Variants in TNXB observed in about 807,000 individuals in gnomAD.
TNXB encodes the protein tenascin-X.
In TNXB, 183 loss-of-function variants were observed where a neutral mutation model predicts 340.5. The ratio of observed to expected loss-of-function variants is 0.54; its 90% CI spans 0.48 to 0.61. The LOEUF (loss-of-function observed/expected upper bound fraction) is 0.61. Among genes scored for constraint, TNXB ranks in the 20% least tolerant of loss-of-function variants. The pLI, the probability that TNXB is intolerant of heterozygous loss-of-function variation, is 0.00. For missense variants in TNXB, 4,613 were observed against 5,446.4 expected (o/e 0.85, Z 4.82); for synonymous variants, 2,121 against 2,314.5 (o/e 0.92, Z 2.40).
Position 32,049,560 on chromosome 6 carries a change from G to A in TNXB, c.9467C>T (p.Pro3156Leu), listed in dbSNP as rs200111122. The A allele has an allele frequency of 4.3e-5, 70 of 1,612,208 alleles. No individual in the cohort carries two copies. The highest frequency in any genetic ancestry group is 2.3e-4 in the African/African-American group (17 of 75,024). Residue 3156 changes from proline (P) to leucine (L), a missense_variant, in exon 28 of 44, where the codon CCC becomes CTC. Physicochemically the swap from Pro to Leu is moderately conservative, Grantham distance 98 (BLOSUM62 -3). Transcript: ENST00000644971. This position sits in a 1 kb window ranked among gnomAD's most constrained non-coding sequence, Gnocchi z 4.5. ...AGGGGCCTCCGGGGCCTCAGTGCTGGGTTCTGTGGGGCTGGGGGTCTCTTC... is the reference window on the plus strand; with the variant it reads ...AGGGGCCTCCGGGGCCTCAGTGCTGAGTTCTGTGGGGCTGGGGGTCTCTTC... ...TEEETPSPTE[P>L]STEAPEAPEE...
At position 32,062,537 on chromosome 6, in the gene TNXB, A is replaced by G; in HGVS notation, c.6842-54T>C. The G allele has an allele frequency of 6.7e-7, 1 of 1,495,630 alleles. No individual in the cohort carries two copies. Among genetic ancestry groups the G allele is most frequent in the Non-Finnish European group, 9.0e-7 (1 of 1,111,086 alleles). 92.6% of individuals were successfully genotyped at this position (1,495,630 alleles called of 1,614,324 possible). On this transcript the variant is annotated intron_variant, in intron 19 of 43. Coordinates refer to ENST00000644971, the MANE Select transcript of TNXB (RefSeq NM_001365276.2). This position sits in a 1 kb window ranked among gnomAD's most constrained non-coding sequence, Gnocchi z 4.3. Reference sequence around the variant, plus strand: ...TGCCTGGTGGGCCTCCTTTTAACCAAGGGACTCTGGGATTCTCTTAGACAC... The same window carrying G: ...TGCCTGGTGGGCCTCCTTTTAACCAGGGGACTCTGGGATTCTCTTAGACAC...
In TNXB at chr6:32,085,790, C is replaced by T. The variant is rs769745035; in HGVS notation, c.3108G>A (p.Gly1036=). 3 of 1,581,806 alleles carry T rather than the reference C, an allele frequency of 1.9e-6. No homozygotes were observed. Among genetic ancestry groups the T allele is most frequent in the Non-Finnish European group, 2.6e-6 (3 of 1,163,678 alleles). The change falls in exon 7 of 44, where the codon GGG becomes GGA. Residue 1036 remains glycine, a synonymous_variant. Transcript: ENST00000644971. This position sits in a 1 kb window ranked among gnomAD's most constrained non-coding sequence, Gnocchi z 6.4. The part of the protein sequence containing the change: ...YELSLHGVPP[G]GKPSDPIIYQ... ...AGATGATGGGGTCAGAGGGCTTGCC[C>T]CCAGGAGGGACCCCATGAAGTGACA...
chr6:32,073,355 G>A lies in TNXB; in HGVS notation c.4681+292C>T, dbSNP rs56106921. 2.0e-5 allele frequency among the ~76,000 whole-genome samples: 3 copies of A among 152,196 alleles called. No individual in the cohort carries two copies. Among genetic ancestry groups the A allele is most frequent in the Non-Finnish European group, 4.4e-5 (3 of 68,040 alleles). ...GGAAACAGCTGTGGGCAGTCGGAGA[G>A]GGGGAGAGAAAGTCTGTGGCTGGAT... On this transcript the variant is annotated intron_variant, in intron 12 of 43. Transcript: ENST00000644971. This position sits in a 1 kb window ranked among gnomAD's most constrained non-coding sequence, Gnocchi z 4.6.
At position 32,087,673 on chromosome 6, in the gene TNXB, C is replaced by A. The variant is rs1431477437; in HGVS notation, c.2779+1112G>T. On this transcript the variant is annotated intron_variant, in intron 6 of 43. Transcript: ENST00000644971. The surrounding 1 kb of genome is among the most constrained non-coding windows in gnomAD (Gnocchi z 9.0). ...GGCTGGGGCGGCGGCCAACAGACGC[C>A]GCTGCAAGTATTCATGGATGTGGCG... 1 of 445,894 alleles carries A rather than the reference C, an allele frequency of 2.2e-6. No homozygotes were observed. Among genetic ancestry groups the A allele is most frequent in the Admixed American group, 2.4e-5 (1 of 41,568 alleles). The allele number at this position is 445,894 out of a possible 1,614,324, so 27.6% of individuals were successfully genotyped here.
At position 32,051,401 on chromosome 6, in the gene TNXB, C is replaced by T. The variant is rs1004783280; in HGVS notation, c.9116-1080G>A. ...AGGATTCATGAATGCAAGAAAAATT[C>T]GCTTCAACAAATTCTAAGAGAGTTT... is the stretch of plus-strand genomic sequence containing the variant. On this transcript the variant is annotated intron_variant, in intron 26 of 43. Coordinates refer to ENST00000644971, the MANE Select transcript of TNXB (RefSeq NM_001365276.2). This position sits in a 1 kb window ranked among gnomAD's most constrained non-coding sequence, Gnocchi z 4.7. 3.3e-5 allele frequency among the ~76,000 whole-genome samples: 5 copies of T among 152,208 alleles called. No individual in the cohort carries two copies. The highest frequency in any genetic ancestry group is 1.9e-4 in the East Asian group (1 of 5,198).
Position 32,070,284 on chromosome 6 carries a change from C to A in TNXB, c.5121G>T (p.Gln1707His), listed in dbSNP as rs1338190417. 4.3e-6 allele frequency: 7 copies of A among 1,613,040 alleles called. No homozygotes were observed. Among genetic ancestry groups the A allele is most frequent in the Non-Finnish European group, 5.9e-6 (7 of 1,179,632 alleles). The change falls in exon 14 of 44, where the codon CAG becomes CAT. Residue 1707 changes from glutamine (Q) to histidine (H), a missense_variant. By Grantham distance (24) the Gln-to-His change is conservative. Around this residue, in one of 7 missense-constraint regions of TNXB, gnomAD observed 4,327 missense variants for 4,859.4 expected, o/e 0.89. Transcript: ENST00000644971. This position sits in a 1 kb window ranked among gnomAD's most constrained non-coding sequence, Gnocchi z 6.0. ...CCTGGGGCCCGTCTTTGTCCTTGAA[C>A]TGGACCACAAAAGAGTCGAACTGGC... ...PEGQFDSFVV[Q>H]FKDKDGPQVV...
At chr6:32,054,743 G>C (rs149764450) in intron 24 of TNXB, among the ~76,000 whole-genome samples, 107 of 152,274 alleles carry the variant, frequency 7.0e-4, no homozygotes, top group African/African-American at 2.4e-3. Context: ...ACATGAACTT[G>C]TGTGTGTCAC....
chr6:32,072,167 C>T lies in TNXB; in HGVS notation c.4813G>A (p.Asp1605Asn), dbSNP rs565606966. 64 of 1,613,460 alleles carry T rather than the reference C, an allele frequency of 4.0e-5. No homozygotes were observed. In the East Asian group the frequency reaches 1.3e-3, roughly 34 times the overall value. Residue 1605 changes from aspartate to asparagine, a missense_variant, in exon 13 of 44, where the codon GAC becomes AAC. Physicochemically the swap from Asp to Asn is conservative, Grantham distance 23 (BLOSUM62 1). This residue lies in a region of TNXB where 4,327 missense variants were observed against 4,859.4 expected (regional missense o/e 0.89). Coordinates refer to ENST00000644971, the MANE Select transcript of TNXB (RefSeq NM_001365276.2). The surrounding 1 kb of genome is among the most constrained non-coding windows in gnomAD (Gnocchi z 4.4). ...TCCTTGTACTGAACCACAAAGGAGTCGAATTCACCCTCAGGGACTGTCCAT... is the reference window on the plus strand; with the variant it reads ...TCCTTGTACTGAACCACAAAGGAGTTGAATTCACCCTCAGGGACTGTCCAT... ...LSWTVPEGEF[D>N]SFVVQYKDRD...
chr6:32,086,122 G>C lies in TNXB; in HGVS notation c.2780-4C>G. The C allele has an allele frequency of 6.7e-7, 1 of 1,501,296 alleles. No homozygotes were observed. Among genetic ancestry groups the C allele is most frequent in the Non-Finnish European group, 8.9e-7 (1 of 1,121,678 alleles). The allele number at this position is 1,501,296 out of a possible 1,614,324, so 93.0% of individuals were successfully genotyped here. On this transcript the variant is annotated splice_region_variant and splice_polypyrimidine_tract_variant and intron_variant, in intron 6 of 43. Coordinates refer to ENST00000644971, the MANE Select transcript of TNXB (RefSeq NM_001365276.2). ...AAGAGGCCCAAGGGTGAGGACCCTG[G>C]GAAGGGGCAGGGTGAGAAAAAGAGG...
rs1402597093 is a variant in TNXB at position 32,080,892 on chromosome 6, G to A, written c.4042+476C>T. ...GGAGTCCTCTTCATGCTGCAAAAAG[G>A]CTAGAGAAACGTGGTGCTCTTGTCA... On this transcript the variant is annotated intron_variant, in intron 10 of 43. Coordinates refer to ENST00000644971, the MANE Select transcript of TNXB (RefSeq NM_001365276.2). This position sits in a 1 kb window ranked among gnomAD's most constrained non-coding sequence, Gnocchi z 4.3. Among the ~76,000 whole-genome samples the A allele has an allele frequency of 1.3e-5, 2 of 152,178 alleles. No homozygotes were observed. The highest frequency in any genetic ancestry group is 4.8e-5 in the African/African-American group (2 of 41,432).
At position 32,087,148 on chromosome 6, in the gene TNXB, G is replaced by C; in HGVS notation, c.2780-1030C>G. On this transcript the variant is annotated intron_variant, in intron 6 of 43. Coordinates refer to ENST00000644971, the MANE Select transcript of TNXB (RefSeq NM_001365276.2). The surrounding 1 kb of genome is among the most constrained non-coding windows in gnomAD (Gnocchi z 9.0). Reference sequence around the variant, plus strand: ...GCCAGGTAGGGCCTGAAGGTAGAAGGGGGCAGTGGGGGGTGGCAGTGGGAG... The same window carrying C: ...GCCAGGTAGGGCCTGAAGGTAGAAGCGGGCAGTGGGGGGTGGCAGTGGGAG... 2 of 427,138 alleles carry C rather than the reference G, an allele frequency of 4.7e-6. No individual in the cohort carries two copies. The highest frequency in any genetic ancestry group is 9.5e-6 in the Non-Finnish European group (2 of 210,474). The allele number at this position is 427,138 out of a possible 1,614,324, so 26.5% of individuals were successfully genotyped here.
intron 22 of TNXB, among the ~76,000 whole-genome samples, chr6:32,057,257 G>A (rs1777721786): frequency 1.3e-5 from 2 of 152,088 alleles, no homozygotes; most frequent in East Asian, 1.9e-4. Context: ...TCTTTGCTCC[G>A]CAACAAGCTC....
rs1176134021 is a variant in TNXB at position 32,097,901 on chromosome 6, C to A, written c.298G>T (p.Val100Leu). The A allele has an allele frequency of 6.3e-7, 1 of 1,585,566 alleles. No homozygotes were observed. Among genetic ancestry groups the A allele is most frequent in the Admixed American group, 1.7e-5 (1 of 59,526 alleles). The stretch of plus-strand genomic sequence containing the variant: ...TCTAGACGGACCCTCAGGGCCTGTA[C>A]CTCTGAAGCAAGGACTGGGGGCTCG... ...GTEPPVLASE[V>L]QALRVRLEIL... The change falls in exon 2 of 44, where the codon GTA becomes TTA. Residue 100 changes from valine to leucine, a missense_variant. This residue lies in a region of TNXB where 4,327 missense variants were observed against 4,859.4 expected (regional missense o/e 0.89). Transcript: ENST00000644971. This position sits in a 1 kb window ranked among gnomAD's most constrained non-coding sequence, Gnocchi z 5.9.
At chr6:32,053,120 T>C in intron 25 of TNXB, 127 bp from the exon 26 acceptor site, 1 of 1,142,076 alleles carries the variant, frequency 8.8e-7, no homozygotes, top group Non-Finnish European at 1.2e-6. Flanking sequence ...GGCCCATCTT[T>C]GGAGCTGGGT....
In TNXB at chr6:32,061,865, GC is replaced by G. The variant is rs1371225884; in HGVS notation, c.7169-146del. 2.5e-6 allele frequency: 3 copies of G among 1,223,410 alleles called. No homozygotes were observed. The highest frequency in any genetic ancestry group is 3.1e-5 in the African/African-American group (2 of 65,494). 75.8% of individuals were successfully genotyped at this position (1,223,410 alleles called of 1,614,324 possible). A position where few individuals can be genotyped will look rare whatever the true frequency, so the allele number is the denominator to read the frequency against. ...GGGGACCTGAGGTCAGTTCAGAGAG[GC>G]CCATTCTTGGGGTCCTGCTCAGCTG... On this transcript the variant is annotated intron_variant, in intron 20 of 43. Transcript: ENST00000644971. The surrounding 1 kb of genome is among the most constrained non-coding windows in gnomAD (Gnocchi z 4.4).
Position 32,074,923 on chromosome 6 carries a change from G to A in TNXB, c.4376-971C>T, listed in dbSNP as rs1778998610. Among the ~76,000 whole-genome samples, 1 of 152,068 alleles carries A rather than the reference G, an allele frequency of 6.6e-6. No individual in the cohort carries two copies. Among genetic ancestry groups the A allele is most frequent in the African/African-American group, 2.4e-5 (1 of 41,404 alleles). On this transcript the variant is annotated intron_variant, in intron 11 of 43. Coordinates refer to ENST00000644971, the MANE Select transcript of TNXB (RefSeq NM_001365276.2). The surrounding 1 kb of genome is among the most constrained non-coding windows in gnomAD (Gnocchi z 5.5). The stretch of plus-strand genomic sequence containing the variant: ...TTGAACTCCCGACCTCAGGTGATCC[G>A]CCCGCCTCGGCCTCCCCAAGTGCTG...
chr6:32,048,078 C>A, intron 29 of TNXB, 66 bp from the exon 30 acceptor site: 1 of 1,542,752 alleles, frequency 6.5e-7, no homozygotes. Context: ...GCTTCCTGGG[C>A]TGCTATGGCT....
At position 32,048,400 on chromosome 6, in the gene TNXB, C is replaced by T. The variant is rs1777036763; in HGVS notation, c.10008G>A (p.Gly3336=). 6.5e-7 allele frequency: 1 copy of T among 1,530,592 alleles called. No homozygotes were observed. Among genetic ancestry groups the T allele is most frequent in the Admixed American group, 1.9e-5 (1 of 52,004 alleles). The allele number at this position is 1,530,592 out of a possible 1,614,324, so 94.8% of individuals were successfully genotyped here. A position where few individuals can be genotyped will look rare whatever the true frequency, so the allele number is the denominator to read the frequency against. ...CCACAGGGACTGGGCCGTGGCGTTT[C>T]CCATTCTGGAGTCCAAAGAGCAGGA... ...YKFLLFGLQN[G]KRHGPVPVEA... The change falls in exon 29 of 44, where the codon GGG becomes GGA. Residue 3336 remains glycine (G), a synonymous_variant. Coordinates refer to ENST00000644971, the MANE Select transcript of TNXB (RefSeq NM_001365276.2).
At position 32,062,043 on chromosome 6, in the gene TNXB, C is replaced by T. The variant is rs953302335; in HGVS notation, c.7168+114G>A. On this transcript the variant is annotated intron_variant, in intron 20 of 43. Transcript: ENST00000644971. The surrounding 1 kb of genome is among the most constrained non-coding windows in gnomAD (Gnocchi z 4.3). ...ACAATGGGAGCCCCAGCCCCAGCCA[C>T]AAGTAGGTCTGTGGTGCTGACCAGA... is the stretch of plus-strand genomic sequence containing the variant. 3.0e-6 allele frequency: 4 copies of T among 1,340,634 alleles called. No individual in the cohort carries two copies. The African/African-American group carries it at 5.9e-5, about 20-fold the overall frequency. The allele number at this position is 1,340,634 out of a possible 1,614,324, so 83.0% of individuals were successfully genotyped here.
Sources: gnomAD v4.1 joint callset for allele counts (sites outside exome capture counted in the v4.1 genomes callset) on GRCh38, gnomAD v4.1.1 for gene constraint, gnomAD v4.1.1 regional missense constraint, Gnocchi (gnomAD v3.1) non-coding constraint, MANE v1.5 for transcripts, NCBI Gene and HGNC (gene_info 2026-07-23, HGNC 2026-07-21) for gene names.